C17orf75: variants seen among roughly 807,000 people sequenced by gnomAD.
C17orf75 encodes the protein protein Njmu-R1.
C17orf75 carries 32 observed loss-of-function variants against 49.6 expected under a neutral mutation model. The ratio of observed to expected loss-of-function variants is 0.65; its 90% CI spans 0.49 to 0.87. The LOEUF is 0.87. Among genes scored for constraint, C17orf75 ranks in the 40% least tolerant of loss-of-function variants. The pLI, the probability that C17orf75 is intolerant of heterozygous loss-of-function variation, is 0.00. For missense variants in C17orf75, 428 were observed against 473.9 expected (o/e 0.90, Z 0.90); for synonymous variants, 158 against 159.5 (o/e 0.99, Z 0.07).
chr17:32,333,315 C>T (rs2041293867), intron 9 of C17orf75, 102 bp downstream of exon 9: 1 of 790,574 alleles, frequency 1.3e-6, no homozygotes, highest in Non-Finnish European at 2.1e-6. Context: ...TCCTAATTAA[C>T]AGACATCACA....
chr17:32,338,045 C>T, intron 4 of C17orf75, 91 bp from the exon 5 acceptor site: 3 of 1,519,568 alleles, frequency 2.0e-6, no homozygotes, highest in Middle Eastern at 1.7e-4. Flanking sequence ...ATAATGTGAG[C>T]TGCAAATGCA....
intron 2 of C17orf75, among the ~76,000 whole-genome samples, chr17:32,340,679 G>T (rs2041370861): frequency 6.6e-6 from 1 of 151,688 alleles, no homozygotes; most frequent in South Asian, 2.1e-4. Context: ...GCTGGGCAAG[G>T]TGGCTCATGC....
chr17:32,335,610 C>T (rs2041317327), intron 5 of C17orf75, among the ~76,000 whole-genome samples, 168 bp from the exon 6 acceptor site: 1 of 152,154 alleles, frequency 6.6e-6, no homozygotes, highest in Non-Finnish European at 1.5e-5. Flanking sequence ...CCTTTCCTGG[C>T]TTGTTGGGCA....
chr17:32,333,368 A>G (rs1346629815), intron 9 of C17orf75, 49 bp downstream of exon 9: 1 of 1,396,766 alleles, frequency 7.2e-7, no homozygotes. Context: ...ACTAATTAAA[A>G]TTCAGACAAA....
chr17:32,334,940 A>G, intron 6 of C17orf75, 101 bp from the exon 7 acceptor site: 1 of 912,670 alleles, frequency 1.1e-6, no homozygotes, highest in Non-Finnish European at 1.6e-6. Flanking sequence ...CACACTGGAC[A>G]ACAATTGATG....
chr17:32,336,301 C>A (rs1317932899), intron 5 of C17orf75, among the ~76,000 whole-genome samples: 2 of 152,186 alleles, frequency 1.3e-5, no homozygotes, highest in Admixed American at 6.5e-5. Context: ...GCAGCCTCAA[C>A]TTCCCAGGCT....
Position 32,335,456 on chromosome 17 carries a change from G to A in C17orf75, c.550-14C>T. On this transcript the variant is annotated splice_polypyrimidine_tract_variant and intron_variant, in intron 5 of 9. Coordinates refer to ENST00000577809, the MANE Select transcript of C17orf75 (RefSeq NM_022344.4). ...CAGGCCCCTTGCCTAAATCAAGAAA[G>A]AACATCATTTGCTTTAATATAAGCC... The A allele has an allele frequency of 6.2e-7, 1 of 1,611,668 alleles. No individual in the cohort carries two copies. Among genetic ancestry groups the A allele is most frequent in the East Asian group, 2.2e-5 (1 of 44,856 alleles).
At chr17:32,348,476 G>A (rs2041445499) in intron 1 of C17orf75, among the ~76,000 whole-genome samples, 1 of 152,140 alleles carries the variant, frequency 6.6e-6, no homozygotes, top group South Asian at 2.1e-4. Flanking sequence ...GACAAATAAT[G>A]TTAAAACTCA....
intron 2 of C17orf75, 120 bp from the exon 3 acceptor site, chr17:32,340,058 T>C (rs1187331403): frequency 8.5e-7 from 1 of 1,180,122 alleles, no homozygotes; most frequent in Admixed American, 2.7e-5. Flanking sequence ...GCTGTCCTTA[T>C]GACCCCTATT....
Position 32,337,390 on chromosome 17 carries a change from A to G in C17orf75, c.549+507T>C, listed in dbSNP as rs577785702. 7.2e-5 allele frequency among the ~76,000 whole-genome samples: 11 copies of G among 151,748 alleles called. No homozygotes were observed. In the East Asian group the frequency reaches 2.1e-3, roughly 30 times the overall value. On this transcript the variant is annotated intron_variant, in intron 5 of 9. Transcript: ENST00000577809. ...AGGCGAGAAGACTGCTTGAGCCCCA[A>G]GAAGCTGAGGCTGCAGTGAGCCTGA... is the stretch of plus-strand genomic sequence containing the variant.
intron 4 of C17orf75, 59 bp from the exon 5 acceptor site, chr17:32,338,013 C>T (rs2041342270): frequency 6.5e-7 from 1 of 1,536,568 alleles, no homozygotes; most frequent in Admixed American, 1.9e-5. Flanking sequence ...CATCTCTCAA[C>T]AAGAAATATA....
intron 3 of C17orf75, among the ~76,000 whole-genome samples, chr17:32,339,390 A>AT (rs2041356650): frequency 6.6e-6 from 1 of 150,982 alleles, no homozygotes; most frequent in Non-Finnish European, 1.5e-5. Context: ...CCTGGGCAAC[A>AT]TGGTAGGACC....
chr17:32,341,083 A>G, intron 2 of C17orf75, 121 bp downstream of exon 2: 1 of 1,029,214 alleles, frequency 9.7e-7, no homozygotes, highest in South Asian at 1.4e-5. Flanking sequence ...AGGGGATAGG[A>G]GGAATTGACG....
intron 2 of C17orf75, 21 bp from the exon 3 acceptor site, chr17:32,339,959 C>T (rs764546438): frequency 6.2e-7 from 1 of 1,613,116 alleles, no homozygotes; most frequent in Non-Finnish European, 8.5e-7. Context: ...GAAAGACACA[C>T]ATTCTTTACC....
At chr17:32,346,174 C>A (rs1242883560), upstream of C17orf75, among the ~76,000 whole-genome samples, 1 of 152,070 alleles carries the variant, frequency 6.6e-6, no homozygotes. Context: ...TTAATCTTAA[C>A]ACTTAGAAGC....
At chr17:32,335,614 T>C (rs1255577369) in intron 5 of C17orf75, among the ~76,000 whole-genome samples, 172 bp from the exon 6 acceptor site, 1 of 152,208 alleles carries the variant, frequency 6.6e-6, no homozygotes, top group Non-Finnish European at 1.5e-5. Flanking sequence ...TCCTGGCTTG[T>C]TGGGCAGGGT....
chr17:32,337,966 A>G lies in C17orf75; in HGVS notation c.492-12T>C. 1.3e-6 allele frequency: 2 copies of G among 1,595,850 alleles called. No homozygotes were observed. Among genetic ancestry groups the G allele is most frequent in the East Asian group, 4.5e-5 (2 of 44,630 alleles). ...ATTCAAGCCTGAAAGTATGTTCTTAAGGAAGCAATAAAGGATGAATAATGA... is the reference window on the plus strand; with the variant it reads ...ATTCAAGCCTGAAAGTATGTTCTTAGGGAAGCAATAAAGGATGAATAATGA... On this transcript the variant is annotated splice_polypyrimidine_tract_variant and intron_variant, in intron 4 of 9. Transcript: ENST00000577809.
At chr17:32,349,997 G>C in exon 1 of C17orf75, 1 of 1,295,502 alleles carries the variant, frequency 7.7e-7, no homozygotes, top group African/African-American at 1.5e-5. Flanking sequence ...AGCACAGCCA[G>C]CGAAAGCGAA....
At chr17:32,335,172 C>G in intron 6 of C17orf75, 151 bp downstream of exon 6, 1 of 947,342 alleles carries the variant, frequency 1.1e-6, no homozygotes. Context: ...CTTTCTAGAT[C>G]TGAGAAAATA....
Sources: allele counts gnomAD v4.1 joint callset (sites outside exome capture counted in the v4.1 genomes callset), GRCh38; gene constraint gnomAD v4.1.1; transcripts MANE v1.5; gene names NCBI Gene and HGNC (gene_info 2026-07-23, HGNC 2026-07-21).